Variants in MDFIC2 observed in about 807,000 individuals in gnomAD.
MDFIC2 encodes MyoD family inhibitor domain containing 2.
intron 2 of MDFIC2, among the ~76,000 whole-genome samples, chr3:70,267,472 C>G (rs991285879): frequency 6.9e-6 from 1 of 144,696 alleles, no homozygotes; most frequent in Non-Finnish European, 1.5e-5. Flanking sequence ...GCGCGATCTC[C>G]GCTCACTGCA....
intron 2 of MDFIC2, among the ~76,000 whole-genome samples, chr3:70,210,271 A>G (rs767398095): frequency 1.3e-5 from 2 of 152,162 alleles, no homozygotes; most frequent in Admixed American, 6.5e-5. Flanking sequence ...TACTGAGAGA[A>G]TTTTATGGAG....
intron 2 of MDFIC2, among the ~76,000 whole-genome samples, chr3:70,236,363 G>C (rs1373622857): frequency 6.6e-6 from 1 of 151,962 alleles, no homozygotes; most frequent in African/African-American, 2.4e-5. Context: ...TTCACTTCTT[G>C]TATATTTTAT....
At chr3:70,254,842 A>G (rs924138724) in intron 2 of MDFIC2, among the ~76,000 whole-genome samples, 1 of 152,192 alleles carries the variant, frequency 6.6e-6, no homozygotes, top group African/African-American at 2.4e-5. Flanking sequence ...TTATTTATGC[A>G]TCCCTTATTT....
chr3:70,272,937 G>T (rs1352902043), intron 2 of MDFIC2, among the ~76,000 whole-genome samples: 2 of 152,176 alleles, frequency 1.3e-5, no homozygotes, highest in African/African-American at 2.4e-5. Context: ...AAAACCCTGA[G>T]GAGTCATTTA....
At chr3:70,254,438 A>G (rs558866574) in intron 2 of MDFIC2, among the ~76,000 whole-genome samples, 1 of 152,308 alleles carries the variant, frequency 6.6e-6, no homozygotes, top group Non-Finnish European at 1.5e-5. Context: ...AACATGATCC[A>G]TTTTAGACAC....
At chr3:70,205,686 A>C (rs1701283258) in intron 3 of MDFIC2, 1 of 152,156 alleles carries the variant, frequency 6.6e-6, no homozygotes, top group African/African-American at 2.4e-5. Context: ...GGCAGAAGTG[A>C]AACTGATGTG....
chr3:70,235,071 T>A (rs1409144648), intron 2 of MDFIC2, among the ~76,000 whole-genome samples: 2 of 152,204 alleles, frequency 1.3e-5, no homozygotes, highest in African/African-American at 4.8e-5. Context: ...GATTGCACTT[T>A]GCTGCAGAAT....
intron 2 of MDFIC2, among the ~76,000 whole-genome samples, chr3:70,310,164 A>G (rs1702441824): frequency 2.0e-5 from 3 of 152,072 alleles, no homozygotes; most frequent in Non-Finnish European, 4.4e-5. Flanking sequence ...GACCTTTTCA[A>G]AAAAAGAAGT....
At chr3:70,260,036 C>T (rs571932401) in intron 2 of MDFIC2, among the ~76,000 whole-genome samples, 25 of 152,296 alleles carry the variant, frequency 1.6e-4, no homozygotes, top group Non-Finnish European at 2.9e-4. Context: ...TCCCTTGACA[C>T]ATGGGGATTA....
At position 70,195,472 on chromosome 3, in the gene MDFIC2, T is replaced by C. The variant is rs772829853; in HGVS notation, c.*1454A>G. On this transcript the variant is annotated 3_prime_UTR_variant, in exon 4 of 4. Coordinates refer to ENST00000567252, the MANE Select transcript of MDFIC2 (RefSeq NM_001364677.1). ...AAATATTTTTAACAGATGAATAGTTTTCAATGTTTGGGAGAGTTTATTTCA... is the reference window on the plus strand; with the variant it reads ...AAATATTTTTAACAGATGAATAGTTCTCAATGTTTGGGAGAGTTTATTTCA... 6.6e-6 allele frequency among the ~76,000 whole-genome samples: 1 copy of C among 152,276 alleles called. No homozygotes were observed. Among genetic ancestry groups the C allele is most frequent in the Middle Eastern group, 3.4e-3 (1 of 294 alleles).
intron 2 of MDFIC2, among the ~76,000 whole-genome samples, chr3:70,255,775 T>A (rs1266340981): frequency 6.6e-6 from 1 of 152,132 alleles, no homozygotes; most frequent in Non-Finnish European, 1.5e-5. Flanking sequence ...ATTTTTCAAC[T>A]GCAGCTTATG....
chr3:70,308,896 T>C (rs1559560236), intron 2 of MDFIC2, among the ~76,000 whole-genome samples: 1 of 152,138 alleles, frequency 6.6e-6, no homozygotes, highest in Non-Finnish European at 1.5e-5. Flanking sequence ...AGTGAAGTGC[T>C]TGTTCCAAGC....
At chr3:70,257,991 G>A (rs1701832372) in intron 2 of MDFIC2, among the ~76,000 whole-genome samples, 1 of 152,198 alleles carries the variant, frequency 6.6e-6, no homozygotes, top group South Asian at 2.1e-4. Context: ...ATGGTCAATT[G>A]ATTTTTGACA....
intron 2 of MDFIC2, among the ~76,000 whole-genome samples, chr3:70,289,853 G>A (rs1253521925): frequency 5.3e-5 from 8 of 151,484 alleles, no homozygotes; most frequent in South Asian, 2.1e-4. Flanking sequence ...TGATTGCATC[G>A]GCTCCTGAGG....
intron 2 of MDFIC2, among the ~76,000 whole-genome samples, chr3:70,237,319 T>G (rs1204440236): frequency 6.6e-6 from 1 of 152,232 alleles, no homozygotes; most frequent in African/African-American, 2.4e-5. Flanking sequence ...TATTAATGAA[T>G]GCTTAAACAC....
intron 2 of MDFIC2, among the ~76,000 whole-genome samples, chr3:70,276,775 G>A (rs1702031069): frequency 6.6e-6 from 1 of 152,144 alleles, no homozygotes; most frequent in African/African-American, 2.4e-5. Context: ...GAATTGAATA[G>A]TTGTGACAAA....
intron 2 of MDFIC2, among the ~76,000 whole-genome samples, chr3:70,292,705 A>G (rs890121186): frequency 1.3e-5 from 2 of 152,080 alleles, no homozygotes; most frequent in South Asian, 2.1e-4. Context: ...TGATGTACAC[A>G]TACTTAAAAC....
chr3:70,203,104 A>C (rs1701257517), intron 3 of MDFIC2, among the ~76,000 whole-genome samples: 1 of 152,128 alleles, frequency 6.6e-6, no homozygotes, highest in African/African-American at 2.4e-5. Context: ...TCCTTATCCT[A>C]AGTGGCAAGA....
intron 2 of MDFIC2, among the ~76,000 whole-genome samples, chr3:70,243,064 A>T (rs996330763): frequency 6.6e-5 from 10 of 152,146 alleles, no homozygotes; most frequent in African/African-American, 2.4e-4. Flanking sequence ...TAGGAGTTCT[A>T]ATTGTAAGGT....
Sources: gnomAD v4.1 joint callset for allele counts (sites outside exome capture counted in the v4.1 genomes callset) on GRCh38, gnomAD v4.1.1 for gene constraint, MANE v1.5 for transcripts, NCBI Gene and HGNC (gene_info 2026-07-23, HGNC 2026-07-21) for gene names.